Variants in FGGY observed in about 807,000 individuals in gnomAD.
The protein encoded by FGGY is FGGY carbohydrate kinase domain-containing protein.
FGGY carries 72 observed loss-of-function variants against 71.3 expected under a neutral mutation model. The observed-to-expected ratio is 1.01, with a 90% confidence interval of 0.84 to 1.23. The LOEUF (loss-of-function observed/expected upper bound fraction) is 1.23, where lower values mean the gene tolerates loss of function less well. Among genes scored for constraint, FGGY ranks in the 50% most tolerant of loss-of-function variants. The pLI is 0.00. For missense variants in FGGY, 668 were observed against 682.3 expected, an observed-to-expected ratio of 0.98 and a Z score of 0.23; for synonymous variants, 251 against 250.3, an observed-to-expected ratio of 1.00 and a Z score of -0.02.
At chr1:59,372,094 A>C (rs1214961545) in intron 4 of FGGY, among the ~76,000 whole-genome samples, 1 of 152,234 alleles carries the variant, frequency 6.6e-6, no homozygotes, top group Non-Finnish European at 1.5e-5. Flanking sequence ...GAGACACAAA[A>C]AACCCTTCAA....
chr1:59,393,750 T>A (rs767135120), intron 5 of FGGY, among the ~76,000 whole-genome samples: 1 of 152,200 alleles, frequency 6.6e-6, no homozygotes, highest in African/African-American at 2.4e-5. Context: ...AGCTCTGATC[T>A]TGCCCAGTGT....
chr1:59,443,975 C>T (rs2070615473), intron 5 of FGGY, among the ~76,000 whole-genome samples: 1 of 152,140 alleles, frequency 6.6e-6, no homozygotes, highest in Non-Finnish European at 1.5e-5. Flanking sequence ...GAGGCAAAGG[C>T]TGAGATCAAG....
Position 59,456,945 on chromosome 1 carries a change from T to C in FGGY, c.555-16T>C. ...TCATATGGTCAGTTCTATCTATATC[T>C]CTTCTATTTTCTTAGGTCTCTCTGC... On this transcript the variant is annotated splice_polypyrimidine_tract_variant and intron_variant, in intron 5 of 15. Coordinates refer to ENST00000303721, the MANE Select transcript of FGGY (RefSeq NM_018291.5). 6.3e-7 allele frequency: 1 copy of C among 1,583,640 alleles called. No individual in the cohort carries two copies. The highest frequency in any genetic ancestry group is 8.7e-7 in the Non-Finnish European group (1 of 1,152,484).
At chr1:59,660,338 G>A in intron 12 of FGGY, 45 bp downstream of exon 12, 1 of 1,495,128 alleles carries the variant, frequency 6.7e-7, no homozygotes. Flanking sequence ...AGAGCCATCA[G>A]TATACTCTAG....
intron 14 of FGGY, among the ~76,000 whole-genome samples, chr1:59,749,215 A>G (rs887891924): frequency 2.0e-5 from 3 of 152,164 alleles, no homozygotes; most frequent in Non-Finnish European, 4.4e-5. Flanking sequence ...TAAACTGGTA[A>G]TAGTAAGTCA....
intron 8 of FGGY, among the ~76,000 whole-genome samples, chr1:59,585,156 T>C (rs1394413431): frequency 6.6e-6 from 1 of 152,108 alleles, no homozygotes; most frequent in African/African-American, 2.4e-5. Flanking sequence ...CTTCACAGAA[T>C]TGGAAAAAAC....
At chr1:59,373,267 CAG>C (rs2058042449) in intron 4 of FGGY, among the ~76,000 whole-genome samples, 1 of 152,152 alleles carries the variant, frequency 6.6e-6, no homozygotes, top group African/African-American at 2.4e-5. Context: ...ACACCAATAA[CAG>C]ACAAACAGCC....
intron 10 of FGGY, among the ~76,000 whole-genome samples, chr1:59,629,736 G>A (rs2096890938): frequency 6.6e-6 from 1 of 152,112 alleles, no homozygotes; most frequent in Admixed American, 6.5e-5. Flanking sequence ...TTATAGTCTG[G>A]AGACCTGAAT....
chr1:59,535,706 A>C (rs1049941069), intron 7 of FGGY, among the ~76,000 whole-genome samples: 3 of 149,922 alleles, frequency 2.0e-5, no homozygotes, highest in African/African-American at 7.4e-5. Flanking sequence ...CTACATGGAA[A>C]CTGAACAACC....
chr1:59,311,255 T>A (rs915276138), intron 1 of FGGY, among the ~76,000 whole-genome samples: 3 of 151,796 alleles, frequency 2.0e-5, no homozygotes, highest in African/African-American at 7.3e-5. Context: ...TTTTTTTTTT[T>A]AAAGATTCTT....
intron 5 of FGGY, among the ~76,000 whole-genome samples, chr1:59,384,523 C>G (rs1276423681): frequency 6.6e-6 from 1 of 152,150 alleles, no homozygotes; most frequent in Non-Finnish European, 1.5e-5. Flanking sequence ...GAGAAAGCTT[C>G]TAACACAATG....
intron 6 of FGGY, among the ~76,000 whole-genome samples, chr1:59,493,551 G>A (rs1273469417): frequency 1.3e-5 from 2 of 152,146 alleles, no homozygotes; most frequent in East Asian, 1.9e-4. Context: ...GACCAATACT[G>A]TATGATCCTT....
chr1:59,690,524 C>T (rs1244908257), intron 14 of FGGY, among the ~76,000 whole-genome samples: 2 of 152,230 alleles, frequency 1.3e-5, no homozygotes, highest in African/African-American at 4.8e-5. Flanking sequence ...AGGCCCACCT[C>T]TACACGGCCC....
chr1:59,517,150 A>G (rs553306303), intron 7 of FGGY, among the ~76,000 whole-genome samples: 59 of 151,946 alleles, frequency 3.9e-4, no homozygotes, highest in African/African-American at 1.4e-3. Flanking sequence ...TATAAAAATA[A>G]CATTAACTTT....
At chr1:59,570,306 C>T (rs2095961599) in intron 8 of FGGY, among the ~76,000 whole-genome samples, 1 of 152,068 alleles carries the variant, frequency 6.6e-6, no homozygotes, top group Non-Finnish European at 1.5e-5. Flanking sequence ...AGCAGAGCAC[C>T]TTGTACATAG....
chr1:59,529,399 G>C (rs2095079653), intron 7 of FGGY, among the ~76,000 whole-genome samples: 1 of 152,174 alleles, frequency 6.6e-6, no homozygotes, highest in South Asian at 2.1e-4. Flanking sequence ...ACCCCCTGAG[G>C]TTAGCTACCA....
chr1:59,632,199 G>A (rs1452472911), intron 10 of FGGY, among the ~76,000 whole-genome samples: 2 of 152,030 alleles, frequency 1.3e-5, no homozygotes, highest in African/African-American at 4.8e-5. Flanking sequence ...GTACATACAT[G>A]CAAATATGCA....
intron 7 of FGGY, among the ~76,000 whole-genome samples, chr1:59,524,986 A>G (rs557110402): frequency 1.3e-5 from 2 of 152,322 alleles, no homozygotes; most frequent in East Asian, 3.9e-4. Flanking sequence ...GCCCAGACCT[A>G]GGGGCTCCCC....
chr1:59,497,451 G>A (rs2094073693), intron 6 of FGGY, among the ~76,000 whole-genome samples: 1 of 152,160 alleles, frequency 6.6e-6, no homozygotes, highest in Non-Finnish European at 1.5e-5. Flanking sequence ...AGCCAGGCGT[G>A]GTGGCAGGCA....
Sources: gnomAD v4.1 joint callset for allele counts (sites outside exome capture counted in the v4.1 genomes callset) on GRCh38, gnomAD v4.1.1 for gene constraint, MANE v1.5 for transcripts, NCBI Gene and HGNC (gene_info 2026-07-23, HGNC 2026-07-21) for gene names.